The following JMJD6 variants were observed in gnomAD, a reference collection of about 807,000 sequenced individuals.
JMJD6 encodes the protein jumonji domain containing 6, arginine demethylase and lysine hydroxylase.
A neutral mutation model predicts 45.8 loss-of-function variants in JMJD6; 17 were observed. The observed-to-expected ratio is 0.37, with a 90% CI of 0.25 to 0.56. The LOEUF is 0.56. Ranked by LOEUF, JMJD6 falls within the 20% of genes least tolerant of loss-of-function variation. JMJD6 has a pLI of 0.79. For missense variants in JMJD6, 470 were observed against 517.5 expected, an observed-to-expected ratio of 0.91 and a Z score of 0.89; for synonymous variants, 221 against 196.3, an observed-to-expected ratio of 1.13 and a Z score of -1.05.
downstream of JMJD6, chr17:76,715,311 G>A (rs896691328): frequency 6.6e-6 from 1 of 152,234 alleles, no homozygotes; most frequent in Non-Finnish European, 1.5e-5. Context: ...GGGGGCTGTG[G>A]GCGTGGGGGT....
At chr17:76,726,261 C>A (rs1598388249) in intron 1 of JMJD6, 86 bp downstream of exon 1, 2 of 1,457,622 alleles carry the variant, frequency 1.4e-6, no homozygotes, top group East Asian at 2.8e-5. Context: ...GCGCTCGGGG[C>A]GAGGGCAGCC....
chr17:76,716,469 T>G (rs1458364944), downstream of JMJD6: 1 of 543,094 alleles, frequency 1.8e-6, no homozygotes, highest in Non-Finnish European at 3.3e-6. Context: ...GCTTCAGTGT[T>G]TCACTGAGCT....
At chr17:76,719,045 A>T (rs1484899308) in intron 5 of JMJD6, among the ~76,000 whole-genome samples, 185 bp from the exon 6 acceptor site, 1 of 152,200 alleles carries the variant, frequency 6.6e-6, no homozygotes, top group African/African-American at 2.4e-5. Flanking sequence ...CTGGCTCCCT[A>T]AGAATTTCAA....
chr17:76,721,872 GGCAA>G lies in JMJD6; in HGVS notation c.863_866del (p.Phe288SerfsTer14). The stretch of plus-strand genomic sequence containing the variant: ...ATACCACAGGGAAGTTGGTGCTGCT[GGCAA>G]AATTTTGGGTGATGGCGATAGTAGT... On this transcript the variant is annotated frameshift_variant, in exon 4 of 6. Transcript: ENST00000397625. LOFTEE classifies it high-confidence loss of function. 1 of 1,614,186 alleles carries G rather than the reference GGCAA, an allele frequency of 6.2e-7. No homozygotes were observed. Among genetic ancestry groups the G allele is most frequent in the South Asian group, 1.1e-5 (1 of 91,086 alleles).
intron 3 of JMJD6, among the ~76,000 whole-genome samples, chr17:76,722,336 C>T (rs2076835787): frequency 6.6e-6 from 1 of 152,240 alleles, no homozygotes; most frequent in Non-Finnish European, 1.5e-5. Context: ...TTTAAATACA[C>T]TTACCTTACT....
rs1295121767 is a variant in JMJD6, at chr17:76,718,648, G to A, written c.*81C>T. On this transcript the variant is annotated 3_prime_UTR_variant, in exon 6 of 6. Transcript: ENST00000397625. ...GGCTCTGTCAGGCCTCCCCTTGTCT[G>A]CAGGACTGGACAGGCCACCCTCCCC... is the stretch of plus-strand genomic sequence containing the variant. The A allele has an allele frequency of 1.3e-6, 2 of 1,543,104 alleles. No individual in the cohort carries two copies. The highest frequency in any genetic ancestry group is 1.3e-5 in the South Asian group (1 of 79,736).
In JMJD6 at chr17:76,725,528, G is replaced by C; in HGVS notation, c.457C>G (p.Pro153Ala). The C allele has an allele frequency of 6.2e-7, 1 of 1,613,984 alleles. No individual in the cohort carries two copies. The highest frequency in any genetic ancestry group is 8.5e-7 in the Non-Finnish European group (1 of 1,179,998). ...RRKLLEDYKVPKFFTDDLFQY... is the reference protein window; with the variant it reads ...RRKLLEDYKVAKFFTDDLFQY... ...AAAAGGTCATCAGTGAAAAACTTTG[G>C]CACCTTGTAGTCTTCCAAAAGTTTC... Residue 153 changes from proline (P) to alanine (A), a missense_variant, in exon 2 of 6, where the codon CCA becomes GCA. Coordinates refer to ENST00000397625, the MANE Select transcript of JMJD6 (RefSeq NM_015167.3).
chr17:76,717,833 A>T (rs1436897500), downstream of JMJD6, among the ~76,000 whole-genome samples: 1 of 28,782 alleles, frequency 3.5e-5, no homozygotes, highest in Non-Finnish European at 7.4e-5. Context: ...TACTAAAAAT[A>T]AAAAAAAATT....
downstream of JMJD6, chr17:76,713,982 C>G (rs186500938): frequency 3.5e-4 from 53 of 152,382 alleles, no homozygotes; most frequent in African/African-American, 1.1e-3. Flanking sequence ...GGGCTTGTCA[C>G]CGTTATCTCC....
At chr17:76,725,967 C>G in intron 1 of JMJD6, 112 bp from the exon 2 acceptor site, 1 of 1,319,038 alleles carries the variant, frequency 7.6e-7, no homozygotes, top group Non-Finnish European at 1.0e-6. Context: ...AGTTGACTCT[C>G]GTCTGGCTCC....
chr17:76,720,533 A>G, intron 4 of JMJD6, 35 bp from the exon 5 acceptor site: 1 of 1,609,644 alleles, frequency 6.2e-7, no homozygotes, highest in Non-Finnish European at 8.5e-7. Flanking sequence ...CAGTGCACTG[A>G]CAGCCATACC....
intron 4 of JMJD6, chr17:76,721,279 T>C: frequency 2.3e-6 from 1 of 439,520 alleles, no homozygotes; most frequent in Non-Finnish European, 4.7e-6. Context: ...AGCTGGTCCC[T>C]CCAGGTCAGG....
downstream of JMJD6, chr17:76,715,816 G>T (rs917388150): frequency 6.6e-6 from 1 of 152,208 alleles, no homozygotes; most frequent in Admixed American, 6.5e-5. Context: ...TAGTTATTTA[G>T]AAGTATCAAC....
At chr17:76,720,732 T>C (rs1004276271) in intron 4 of JMJD6, 5 of 399,808 alleles carry the variant, frequency 1.3e-5, no homozygotes, top group African/African-American at 7.9e-5. Context: ...CACAATTTAC[T>C]ACCACCTGCA....
chr17:76,721,746 C>A lies in JMJD6; in HGVS notation c.941+52G>T, dbSNP rs377260432. 1.8e-5 allele frequency: 29 copies of A among 1,586,394 alleles called. No individual in the cohort carries two copies. The African/African-American group carries it at 3.6e-4, about 20-fold the overall frequency. ...CGCAGCAGTGGACTAGCCATTTTAT[C>A]TCTGGGGTCGAAATTGAAACCAAGC... On this transcript the variant is annotated intron_variant, in intron 4 of 5. Coordinates refer to ENST00000397625, the MANE Select transcript of JMJD6 (RefSeq NM_015167.3).
chr17:76,718,948 C>T (rs747684234), intron 5 of JMJD6, 88 bp from the exon 6 acceptor site: 16 of 1,316,164 alleles, frequency 1.2e-5, no homozygotes, highest in Admixed American at 8.6e-5. Context: ...GGAGACAGCA[C>T]AGATATTGGT....
Position 76,726,468 on chromosome 17 carries a change from T to C in JMJD6, c.8A>G (p.His3Arg), listed in dbSNP as rs770912586. The C allele has an allele frequency of 6.2e-7, 1 of 1,600,120 alleles. No homozygotes were observed. The highest frequency in any genetic ancestry group is 8.5e-7 in the Non-Finnish European group (1 of 1,174,176). Reference protein sequence around the residue: MNHKSKKRIREAK... With the variant: MNRKSKKRIREAK... ...CTCGCGGATGCGCTTCTTGCTCTTG[T>C]GGTTCATTCTGCGGGGTCGCCAGCT... The change falls in exon 1 of 6, where the codon CAC becomes CGC. Residue 3 changes from histidine (H) to arginine (R), a missense_variant. Coordinates refer to ENST00000397625, the MANE Select transcript of JMJD6 (RefSeq NM_015167.3).
At position 76,723,774 on chromosome 17, in the gene JMJD6, G is replaced by C; in HGVS notation, c.803C>G (p.Pro268Arg). The change falls in exon 3 of 6, where the codon CCA becomes CGA. Residue 268 changes from proline (P) to arginine (R), a missense_variant and splice_region_variant. Transcript: ENST00000397625. ...LQKPGETVFV[P>R]GGWWHVVLNL... ...ACTTTCTTCCAGTTCATCTATACCT[G>C]GTACAAAGACAGTCTCTCCTGGTTT... 1 of 1,613,814 alleles carries C rather than the reference G, an allele frequency of 6.2e-7. No homozygotes were observed. The highest frequency in any genetic ancestry group is 8.5e-7 in the Non-Finnish European group (1 of 1,179,736).
Position 76,718,629 on chromosome 17 carries a change from G to A in JMJD6, c.*100C>T, listed in dbSNP as rs767961825. On this transcript the variant is annotated 3_prime_UTR_variant, in exon 6 of 6. Coordinates refer to ENST00000397625, the MANE Select transcript of JMJD6 (RefSeq NM_015167.3). ...GAGGGTGTCCTCATTCTTGGGCTCT[G>A]TCAGGCCTCCCCTTGTCTGCAGGAC... 1 of 1,512,226 alleles carries A rather than the reference G, an allele frequency of 6.6e-7. No individual in the cohort carries two copies. Among genetic ancestry groups the A allele is most frequent in the Non-Finnish European group, 8.8e-7 (1 of 1,134,404 alleles). 93.7% of individuals were successfully genotyped at this position (1,512,226 alleles called of 1,614,324 possible). A position where few individuals can be genotyped will look rare whatever the true frequency, so the allele number is the denominator to read the frequency against.
Sources: allele counts gnomAD v4.1 joint callset (sites outside exome capture counted in the v4.1 genomes callset), GRCh38; gene constraint gnomAD v4.1.1; transcripts MANE v1.5; gene names NCBI Gene and HGNC (gene_info 2026-07-23, HGNC 2026-07-21).